SEMA4D: variants seen among roughly 807,000 people sequenced by gnomAD.
SEMA4D encodes the protein semaphorin 4D, also known as semaphorin-4D.
SEMA4D carries 22 observed loss-of-function variants against 74.8 expected under a neutral mutation model. The observed-to-expected ratio is 0.29, with a 90% CI of 0.21 to 0.42. The LOEUF (loss-of-function observed/expected upper bound fraction) is 0.42, where lower values mean the gene tolerates loss of function less well. Ranked by LOEUF, SEMA4D falls within the 10% of genes least tolerant of loss-of-function variation. The probability of loss-of-function intolerance (pLI) is 1.00; values close to 1 mark genes in which losing one functional copy is unlikely to be tolerated. For missense variants in SEMA4D, 937 were observed against 1,118.4 expected, an observed-to-expected ratio of 0.84 and a Z score of 2.31; for synonymous variants, 445 against 463.7, an observed-to-expected ratio of 0.96 and a Z score of 0.52.
intron 1 of SEMA4D, among the ~76,000 whole-genome samples, chr9:89,481,736 C>T (rs1268865694): frequency 6.6e-6 from 1 of 152,214 alleles, no homozygotes; most frequent in Non-Finnish European, 1.5e-5. Context: ...ACCCAAGGCA[C>T]ACAGACTCAA....
intron 2 of SEMA4D, among the ~76,000 whole-genome samples, chr9:89,421,319 G>A (rs1391674346): frequency 6.6e-6 from 1 of 152,224 alleles, no homozygotes; most frequent in East Asian, 1.9e-4. Context: ...GATGGGGTAG[G>A]CATGCATATT....
chr9:89,432,665 G>A (rs565831090), intron 2 of SEMA4D, among the ~76,000 whole-genome samples: 3 of 152,082 alleles, frequency 2.0e-5, no homozygotes, highest in East Asian at 3.9e-4. Context: ...CCTCCCAACC[G>A]CCTCACACCA....
intron 2 of SEMA4D, among the ~76,000 whole-genome samples, chr9:89,454,878 G>T (rs757953471): frequency 6.6e-6 from 1 of 152,238 alleles, no homozygotes; most frequent in African/African-American, 2.4e-5. Flanking sequence ...CTGCCCAGGC[G>T]TGTGCCTAGC....
chr9:89,431,055 C>T (rs987409856), intron 2 of SEMA4D, among the ~76,000 whole-genome samples: 3 of 152,142 alleles, frequency 2.0e-5, no homozygotes, highest in African/African-American at 7.2e-5. Context: ...CATGCTATGC[C>T]GGCAGTACAA....
chr9:89,487,290 T>C (rs1207555663), intron 1 of SEMA4D, among the ~76,000 whole-genome samples: 1 of 151,982 alleles, frequency 6.6e-6, no homozygotes, highest in East Asian at 1.9e-4. Flanking sequence ...TGAAAAACCC[T>C]ATGATCATCT....
chr9:89,437,258 G>A (rs1355621262), intron 2 of SEMA4D, among the ~76,000 whole-genome samples: 1 of 152,220 alleles, frequency 6.6e-6, no homozygotes, highest in Non-Finnish European at 1.5e-5. Context: ...TGTGGCTCGT[G>A]CAGCTCTGGC....
At chr9:89,488,534 G>T (rs774878499) in intron 1 of SEMA4D, among the ~76,000 whole-genome samples, 2 of 151,540 alleles carry the variant, frequency 1.3e-5, no homozygotes, top group Non-Finnish European at 2.9e-5. Flanking sequence ...CATCACATCC[G>T]GCTAATTTTT....
intron 2 of SEMA4D, among the ~76,000 whole-genome samples, chr9:89,432,470 A>G (rs1849485329): frequency 6.6e-6 from 1 of 152,208 alleles, no homozygotes; most frequent in Admixed American, 6.5e-5. Context: ...TCGTAAGGGC[A>G]GCAATAAAAC....
intron 2 of SEMA4D, among the ~76,000 whole-genome samples, chr9:89,422,696 C>CATTT (rs1344471490): frequency 6.6e-6 from 1 of 152,228 alleles, no homozygotes; most frequent in Non-Finnish European, 1.5e-5. Flanking sequence ...ACTTACAATT[C>CATTT]ATTTTTCTTT....
intron 1 of SEMA4D, among the ~76,000 whole-genome samples, chr9:89,476,337 G>A (rs1459521679): frequency 6.6e-6 from 1 of 152,236 alleles, no homozygotes; most frequent in Non-Finnish European, 1.5e-5. Flanking sequence ...CAGTGTGATG[G>A]CTGATGTCAC....
chr9:89,366,871 T>G (rs557273626), intron 16 of SEMA4D, among the ~76,000 whole-genome samples: 8 of 152,138 alleles, frequency 5.3e-5, no homozygotes, highest in African/African-American at 1.9e-4. Flanking sequence ...AGTCACTGAG[T>G]CACAGGAGCC....
rs777657164 is a variant in SEMA4D at position 89,381,799 on chromosome 9, G to A, written c.1447-453C>T. On this transcript the variant is annotated intron_variant, in intron 13 of 15. Transcript: ENST00000422704. The surrounding 1 kb of genome is among the most constrained non-coding windows in gnomAD (Gnocchi z 4.6). Reference sequence around the variant, plus strand: ...GCACACCACCTCGAAGCCCAACCTCGTCCCCCGAGCCAGAATGTGAGCACC... The same window carrying A: ...GCACACCACCTCGAAGCCCAACCTCATCCCCCGAGCCAGAATGTGAGCACC... 12 of 155,204 alleles carry A rather than the reference G, an allele frequency of 7.7e-5. No individual in the cohort carries two copies. Among genetic ancestry groups the A allele is most frequent in the East Asian group, 1.9e-4 (1 of 5,274 alleles). The allele number at this position is 155,204 out of a possible 1,614,324, so 9.6% of individuals were successfully genotyped here.
intron 4 of SEMA4D, among the ~76,000 whole-genome samples, chr9:89,400,758 C>T (rs986343773): frequency 4.6e-5 from 7 of 151,810 alleles, no homozygotes; most frequent in African/African-American, 1.7e-4. Flanking sequence ...GGGATTTTCA[C>T]TGATGCTTGG....
intron 2 of SEMA4D, among the ~76,000 whole-genome samples, chr9:89,423,474 G>C (rs1159777203): frequency 6.6e-6 from 1 of 152,160 alleles, no homozygotes; most frequent in Non-Finnish European, 1.5e-5. Context: ...ATAGGCATGA[G>C]CCACTGTGTC....
intron 1 of SEMA4D, among the ~76,000 whole-genome samples, chr9:89,475,881 G>A (rs1037978182): frequency 9.9e-5 from 15 of 152,162 alleles, no homozygotes; most frequent in Non-Finnish European, 1.9e-4. Flanking sequence ...CAGGCTTTCT[G>A]CTAATAAATG....
chr9:89,372,505 TAGAC>T (rs1266939190), downstream of SEMA4D, among the ~76,000 whole-genome samples: 2 of 151,870 alleles, frequency 1.3e-5, no homozygotes, highest in Non-Finnish European at 2.9e-5. Context: ...TGACAAAGCT[TAGAC>T]AGCAGTCCAT....
chr9:89,392,631 A>ATAACCCAAT, intron 7 of SEMA4D, 95 bp from the exon 8 acceptor site: 1 of 790,938 alleles, frequency 1.3e-6, no homozygotes, highest in Non-Finnish European at 2.2e-6. Flanking sequence ...GTTTTCCTTT[A>ATAACCCAAT]TAACCCAATT....
chr9:89,396,200 G>A (rs1483528387), intron 6 of SEMA4D, among the ~76,000 whole-genome samples: 1 of 152,158 alleles, frequency 6.6e-6, no homozygotes, highest in Non-Finnish European at 1.5e-5. Flanking sequence ...CAGTGAGCAA[G>A]CTGCACACCA....
intron 3 of SEMA4D, among the ~76,000 whole-genome samples, chr9:89,405,144 G>A (rs1468074213): frequency 6.6e-6 from 1 of 151,230 alleles, no homozygotes; most frequent in Admixed American, 6.6e-5. Flanking sequence ...ACCCGCCTCA[G>A]CATCCCAGGA....
Sources: gnomAD v4.1 joint callset for allele counts (sites outside exome capture counted in the v4.1 genomes callset) on GRCh38, gnomAD v4.1.1 for gene constraint, Gnocchi (gnomAD v3.1) non-coding constraint, MANE v1.5 for transcripts, NCBI Gene and HGNC (gene_info 2026-07-23, HGNC 2026-07-21) for gene names.